ACOXL: variants seen among roughly 807,000 people sequenced by gnomAD.
ACOXL encodes the protein acyl-CoA oxidase like.
In ACOXL, 70 loss-of-function variants were observed where a neutral mutation model predicts 71.9. The observed-to-expected ratio is 0.97, with a 90% CI of 0.80 to 1.19. The LOEUF is 1.19. Ranked by LOEUF, ACOXL falls within the 50% of genes most tolerant of loss-of-function variation. The probability of loss-of-function intolerance (pLI) is 0.00; values close to 1 mark genes in which losing one functional copy is unlikely to be tolerated. For missense variants in ACOXL, 703 were observed against 736.3 expected, an observed-to-expected ratio of 0.95 and a Z score of 0.52; for synonymous variants, 253 against 281.6, an observed-to-expected ratio of 0.90 and a Z score of 1.02.
rs184478422 is a variant in ACOXL at position 110,918,113 on chromosome 2, C to T, written c.905+9208C>T. 5.0e-4 allele frequency among the ~76,000 whole-genome samples: 76 copies of T among 152,230 alleles called. 2 individuals are homozygous for T. The East Asian group carries it at 0.012, about 23-fold the overall frequency. Reference sequence around the variant, plus strand: ...TCCGCATAGCCAAGACAATCCTAAGCGAAAAGAACAAAGCTGGAGGCATCA... The same window carrying T: ...TCCGCATAGCCAAGACAATCCTAAGTGAAAAGAACAAAGCTGGAGGCATCA... On this transcript the variant is annotated intron_variant, in intron 11 of 17. Coordinates refer to ENST00000439055, the MANE Select transcript of ACOXL (RefSeq NM_001142807.4).
intron 8 of ACOXL, among the ~76,000 whole-genome samples, chr2:110,804,915 T>G (rs112270556): frequency 2.2e-4 from 33 of 152,342 alleles, no homozygotes; most frequent in African/African-American, 7.7e-4. Context: ...TGGTGATGGT[T>G]GTACAATTTC....
intron 3 of ACOXL, among the ~76,000 whole-genome samples, chr2:110,789,226 C>T (rs1423190064): frequency 2.0e-5 from 3 of 152,170 alleles, no homozygotes; most frequent in Non-Finnish European, 4.4e-5. Flanking sequence ...TGCTTTGAAT[C>T]CCCACTCTAG....
At chr2:110,866,895 G>A (rs527868858) in intron 10 of ACOXL, among the ~76,000 whole-genome samples, 2 of 152,312 alleles carry the variant, frequency 1.3e-5, no homozygotes, top group South Asian at 4.1e-4. Context: ...GGAGCCTCCT[G>A]TCTGGTCTGG....
chr2:111,009,203 G>A (rs114102526), intron 14 of ACOXL, among the ~76,000 whole-genome samples: 71 of 152,102 alleles, frequency 4.7e-4, no homozygotes, highest in African/African-American at 1.7e-3. Flanking sequence ...CCTCAATATT[G>A]TTTTAGGGAG....
At chr2:110,859,345 C>T (rs1693661352) in intron 10 of ACOXL, among the ~76,000 whole-genome samples, 1 of 152,080 alleles carries the variant, frequency 6.6e-6, no homozygotes, top group South Asian at 2.1e-4. Context: ...GTGTGCTGTG[C>T]ATTTCAGTGC....
intron 1 of ACOXL, among the ~76,000 whole-genome samples, chr2:110,754,383 T>A (rs373171694): frequency 7.4e-4 from 113 of 152,268 alleles, no homozygotes; most frequent in African/African-American, 2.0e-3. Flanking sequence ...CCTAGTTCTA[T>A]GAGAGTTTAT....
intron 15 of ACOXL, among the ~76,000 whole-genome samples, chr2:111,044,352 A>G (rs2065918804): frequency 6.6e-6 from 1 of 152,236 alleles, no homozygotes; most frequent in African/African-American, 2.4e-5. Context: ...GGCTTAAGGT[A>G]TTTGGGTCAG....
At chr2:111,071,690 G>A (rs1319931949) in intron 16 of ACOXL, among the ~76,000 whole-genome samples, 1 of 152,186 alleles carries the variant, frequency 6.6e-6, no homozygotes, top group Non-Finnish European at 1.5e-5. Context: ...ACACTGGAGG[G>A]CCAACCCTTT....
chr2:110,848,550 C>T (rs946653969), intron 10 of ACOXL, among the ~76,000 whole-genome samples: 3 of 152,192 alleles, frequency 2.0e-5, no homozygotes, highest in Non-Finnish European at 4.4e-5. Flanking sequence ...CATGGCAGAG[C>T]GTGGCATGGG....
At chr2:111,059,186 A>G (rs113296204) in intron 16 of ACOXL, among the ~76,000 whole-genome samples, 1 of 152,208 alleles carries the variant, frequency 6.6e-6, no homozygotes, top group Non-Finnish European at 1.5e-5. Flanking sequence ...ACATTAAGGT[A>G]TGATTGAACC....
intron 5 of ACOXL, among the ~76,000 whole-genome samples, chr2:110,796,505 A>G (rs904291069): frequency 2.0e-5 from 3 of 152,186 alleles, no homozygotes; most frequent in Admixed American, 6.5e-5. Context: ...CAGAAGTGAC[A>G]AACCTCCTTT....
intron 3 of ACOXL, among the ~76,000 whole-genome samples, chr2:110,790,074 C>T (rs1434163972): frequency 6.6e-6 from 1 of 152,220 alleles, no homozygotes; most frequent in Non-Finnish European, 1.5e-5. Context: ...ATTGCTAAAG[C>T]CCATTCACAG....
intron 14 of ACOXL, among the ~76,000 whole-genome samples, chr2:111,015,426 C>T (rs2064379410): frequency 6.6e-6 from 1 of 152,232 alleles, no homozygotes; most frequent in South Asian, 2.1e-4. Flanking sequence ...AACACCACGA[C>T]ACACCCACTG....
intron 12 of ACOXL, among the ~76,000 whole-genome samples, chr2:110,969,610 A>G (rs368860366): frequency 6.6e-6 from 1 of 152,158 alleles, no homozygotes; most frequent in Non-Finnish European, 1.5e-5. Context: ...CAGGAGTTCA[A>G]GACCAGCCTG....
rs192990496 is a variant in ACOXL at position 111,105,065 on chromosome 2, A to C, written c.1542+12099A>C. On this transcript the variant is annotated intron_variant, in intron 17 of 17. Coordinates refer to ENST00000439055, the MANE Select transcript of ACOXL (RefSeq NM_001142807.4). ...TTGGTTTTTTTGTGTACCAATGTCC[A>C]ATTGCTCCAATACTAGTAGTTGAAA... 4.0e-4 allele frequency among the ~76,000 whole-genome samples: 61 copies of C among 152,202 alleles called. 2 individuals are homozygous for C. The East Asian group carries it at 8.1e-3, about 20-fold the overall frequency.
intron 12 of ACOXL, among the ~76,000 whole-genome samples, chr2:110,970,144 G>T (rs1251288901): frequency 2.6e-5 from 4 of 152,052 alleles, no homozygotes; most frequent in Non-Finnish European, 1.5e-5. Flanking sequence ...TAGAAGGCTA[G>T]TATTACTCTG....
chr2:110,803,773 A>G (rs995921105), intron 8 of ACOXL, among the ~76,000 whole-genome samples: 1 of 152,254 alleles, frequency 6.6e-6, no homozygotes, highest in Admixed American at 6.5e-5. Flanking sequence ...ATATATTAAT[A>G]TAAGGGTATA....
At chr2:110,769,029 A>G (rs1025780629) in intron 2 of ACOXL, among the ~76,000 whole-genome samples, 17 of 152,076 alleles carry the variant, frequency 1.1e-4, no homozygotes, top group African/African-American at 4.1e-4. Flanking sequence ...GAATAGGAGT[A>G]TCAGCAGAAG....
chr2:111,017,330 T>C (rs2149692781), intron 14 of ACOXL, among the ~76,000 whole-genome samples: 2 of 152,292 alleles, frequency 1.3e-5, no homozygotes, highest in Middle Eastern at 3.4e-3. Flanking sequence ...TCAGAGTCCA[T>C]TGTCTTGCCA....
Sources: allele counts gnomAD v4.1 joint callset (sites outside exome capture counted in the v4.1 genomes callset), GRCh38; gene constraint gnomAD v4.1.1; transcripts MANE v1.5; gene names NCBI Gene and HGNC (gene_info 2026-07-23, HGNC 2026-07-21).